Variants in LY96 observed in about 807,000 individuals in gnomAD.
LY96 encodes the protein lymphocyte antigen 96, also known as myeloid differentiation protein-2.
A neutral mutation model predicts 18.9 loss-of-function variants in LY96; 18 were observed. The ratio of observed to expected loss-of-function variants is 0.95; its 90% CI spans 0.66 to 1.41. The LOEUF (loss-of-function observed/expected upper bound fraction) is 1.41, where lower values mean the gene tolerates loss of function less well. LY96 is among the 40% of genes most tolerant of loss of function. The probability of loss-of-function intolerance (pLI) is 0.00; values close to 1 mark genes in which losing one functional copy is unlikely to be tolerated. For synonymous variants in LY96, 66 were observed against 62.6 expected (o/e 1.06, Z -0.26); for missense variants, 175 against 182.4 (o/e 0.96, Z 0.23).
chr8:74,043,735 A>G, the LY96 span, among the ~76,000 whole-genome samples: 3 of 152,370 alleles, frequency 2.0e-5, no homozygotes, highest in East Asian at 5.8e-4. Context: ...TAACTCTTTC[A>G]TCATTTAATT....
intron 2 of LY96, among the ~76,000 whole-genome samples, chr8:74,007,352 T>A (rs1816435473): frequency 6.6e-6 from 1 of 152,262 alleles, no homozygotes; most frequent in South Asian, 2.1e-4. Context: ...AAGTGTTTTA[T>A]AATTTCTCAC....
At chr8:74,061,878 G>A in the LY96 span, among the ~76,000 whole-genome samples, 1 of 152,114 alleles carries the variant, frequency 6.6e-6, no homozygotes, top group African/African-American at 2.4e-5. Context: ...CTAGGGGAAG[G>A]GTAGAGGGAG....
chr8:74,017,074 C>T (rs1409078350), intron 3 of LY96, among the ~76,000 whole-genome samples: 3 of 152,194 alleles, frequency 2.0e-5, no homozygotes, highest in South Asian at 4.1e-4. Flanking sequence ...CAGAAGAAGG[C>T]TTTAGAAGGT....
intron 3 of LY96, among the ~76,000 whole-genome samples, chr8:74,011,598 C>A (rs148244625): frequency 2.6e-5 from 4 of 152,108 alleles, no homozygotes; most frequent in African/African-American, 9.7e-5. Flanking sequence ...CAGTGGCTCA[C>A]GCCTGTAATC....
intron 2 of LY96, among the ~76,000 whole-genome samples, chr8:74,008,571 C>T (rs544222468): frequency 2.6e-5 from 4 of 152,124 alleles, no homozygotes; most frequent in South Asian, 2.1e-4. Context: ...ATGAAGGCAG[C>T]GCGGTAATGG....
At chr8:74,002,002 CCTTT>C (rs1410767501) in intron 1 of LY96, among the ~76,000 whole-genome samples, 7 of 36,508 alleles carry the variant, frequency 1.9e-4, no homozygotes, top group Admixed American at 8.0e-4. Context: ...CTCCTTTCTT[CCTTT>C]CTTCCTTCCT....
the LY96 span, among the ~76,000 whole-genome samples, chr8:74,098,705 T>A: frequency 6.0e-4 from 91 of 152,328 alleles, 1 homozygote; most frequent in South Asian, 0.014. Flanking sequence ...TTGATGATAC[T>A]AAGAACTTGC....
the LY96 span, among the ~76,000 whole-genome samples, chr8:74,054,657 T>C: frequency 7.1e-6 from 1 of 140,940 alleles, no homozygotes; most frequent in Non-Finnish European, 1.5e-5. Context: ...TCTTTCTTTC[T>C]TTCTTTCTTT....
chr8:74,048,424 G>A, the LY96 span, among the ~76,000 whole-genome samples: 4 of 152,118 alleles, frequency 2.6e-5, no homozygotes, highest in East Asian at 7.7e-4. Flanking sequence ...ACCATGCCCA[G>A]GTAATTTTTT....
At chr8:74,016,697 C>A (rs1213165035) in intron 3 of LY96, among the ~76,000 whole-genome samples, 3 of 152,180 alleles carry the variant, frequency 2.0e-5, no homozygotes, top group Non-Finnish European at 4.4e-5. Context: ...TGCTGATCTG[C>A]AATATTTACT....
the LY96 span, among the ~76,000 whole-genome samples, chr8:74,083,367 A>T: frequency 6.6e-6 from 1 of 152,074 alleles, no homozygotes; most frequent in East Asian, 1.9e-4. Flanking sequence ...GGCGCCCGCC[A>T]CCACACCTGG....
chr8:74,096,837 C>T, the LY96 span, among the ~76,000 whole-genome samples: 1 of 152,122 alleles, frequency 6.6e-6, no homozygotes, highest in Non-Finnish European at 1.5e-5. Context: ...GTGAATACTT[C>T]TCTCTCAAGC....
At chr8:74,033,710 A>G (rs1398339423), downstream of LY96, among the ~76,000 whole-genome samples, 1 of 152,212 alleles carries the variant, frequency 6.6e-6, no homozygotes, top group Non-Finnish European at 1.5e-5. Context: ...GAGTCAAGCA[A>G]ATCTTTTTCT....
chr8:74,075,001 T>C, the LY96 span, among the ~76,000 whole-genome samples: 1 of 152,362 alleles, frequency 6.6e-6, no homozygotes, highest in Admixed American at 6.5e-5. Flanking sequence ...ACTAGTTCCA[T>C]TTATTCTATA....
chr8:74,000,253 G>C (rs975201430), intron 1 of LY96, among the ~76,000 whole-genome samples: 1 of 126,958 alleles, frequency 7.9e-6, no homozygotes, highest in Admixed American at 7.9e-5. Flanking sequence ...GCACTTTCCT[G>C]CTTATCTATT....
the LY96 span, among the ~76,000 whole-genome samples, chr8:74,039,327 GTTGA>G: frequency 6.6e-6 from 1 of 152,204 alleles, no homozygotes; most frequent in East Asian, 1.9e-4. Context: ...TCTTCATTTT[GTTGA>G]TTGTTTCCTT....
downstream of LY96, among the ~76,000 whole-genome samples, chr8:74,031,564 G>A (rs9693963): frequency 0.048 from 7,314 of 151,292 alleles, 592 homozygotes; most frequent in African/African-American, 0.17. Flanking sequence ...CCCAGGAGGC[G>A]GAGGTTGCGG....
chr8:74,029,789 A>G (rs1471632684), downstream of LY96, among the ~76,000 whole-genome samples: 1 of 152,088 alleles, frequency 6.6e-6, no homozygotes, highest in African/African-American at 2.4e-5. Context: ...CCTCCCAAGT[A>G]GCTGGGATTA....
the LY96 span, among the ~76,000 whole-genome samples, chr8:74,049,919 G>A: frequency 9.8e-5 from 15 of 152,330 alleles, no homozygotes; most frequent in African/African-American, 3.4e-4. Flanking sequence ...TCTGCTGGCT[G>A]AGGCAGGAGG....
Sources: allele counts gnomAD v4.1 joint callset (sites outside exome capture counted in the v4.1 genomes callset), GRCh38; gene constraint gnomAD v4.1.1; transcripts MANE v1.5; gene names NCBI Gene and HGNC (gene_info 2026-07-23, HGNC 2026-07-21).